The following SRBD1 variants were observed in gnomAD, a reference collection of about 807,000 sequenced individuals.
The protein encoded by SRBD1 is S1 RNA binding domain 1.
In SRBD1, 88 loss-of-function variants were observed where a neutral mutation model predicts 115.3. The ratio of observed to expected loss-of-function variants is 0.76; its 90% CI spans 0.64 to 0.91. The LOEUF is 0.91. SRBD1 is among the 40% of genes least tolerant of loss of function. The pLI is 0.00. For synonymous variants in SRBD1, 509 were observed against 407.7 expected, an observed-to-expected ratio of 1.25 and a Z score of -2.99; for missense variants, 1,385 against 1,177.4, an observed-to-expected ratio of 1.18 and a Z score of -2.58.
chr2:45,473,932 G>A lies in SRBD1; in HGVS notation c.2049+3061C>T, dbSNP rs527725388. ...CAGATGAACGCTGAAGGTTTAGAAC[G>A]TCCTCTGTATCATGTGACTTTTTGT... On this transcript the variant is annotated intron_variant, in intron 16 of 20. Coordinates refer to ENST00000263736, the MANE Select transcript of SRBD1 (RefSeq NM_018079.5). 3.9e-5 allele frequency among the ~76,000 whole-genome samples: 6 copies of A among 152,276 alleles called. No homozygotes were observed. The East Asian group carries it at 9.6e-4, about 24-fold the overall frequency.
intron 10 of SRBD1, among the ~76,000 whole-genome samples, chr2:45,560,289 TAATA>T (rs1293674226): frequency 1.3e-5 from 2 of 152,174 alleles, no homozygotes; most frequent in African/African-American, 4.8e-5. Flanking sequence ...AGTCTAAAGA[TAATA>T]AATAGGTTAA....
At chr2:45,482,747 T>A (rs1413475946) in intron 15 of SRBD1, among the ~76,000 whole-genome samples, 1 of 151,994 alleles carries the variant, frequency 6.6e-6, no homozygotes. Flanking sequence ...AGTACAGTCA[T>A]CCTGTATCCT....
At chr2:45,594,255 C>T (rs1307340085) in intron 4 of SRBD1, among the ~76,000 whole-genome samples, 2 of 152,154 alleles carry the variant, frequency 1.3e-5, no homozygotes, top group African/African-American at 2.4e-5. Context: ...CATAATTCCA[C>T]ACAATTCCAC....
chr2:45,545,725 T>C (rs1294422786), intron 14 of SRBD1, among the ~76,000 whole-genome samples: 1 of 152,258 alleles, frequency 6.6e-6, no homozygotes, highest in African/African-American at 2.4e-5. Context: ...TGTTTCCTTC[T>C]TGAATCATGA....
rs140195106 is a variant in SRBD1 at position 45,586,968 on chromosome 2, A to T, written c.649-1194T>A. On this transcript the variant is annotated intron_variant, in intron 4 of 20. Transcript: ENST00000263736. ...TATTTAAAATTATTTTAAATTATAA[A>T]TATTAAAATATTTAAAATTATTTTA... Among the ~76,000 whole-genome samples, 387 of 103,786 alleles carry T rather than the reference A, an allele frequency of 3.7e-3. 8 individuals are homozygous for T. Among genetic ancestry groups the T allele is most frequent in the African/African-American group, 0.011 (238 of 22,510 alleles). 68.1% of individuals were successfully genotyped at this position (103,786 alleles called of 152,430 possible). A position where few individuals can be genotyped will look rare whatever the true frequency, so the allele number is the denominator to read the frequency against.
In SRBD1 at chr2:45,389,232, G is replaced by C. The variant is rs1027702912; in HGVS notation, c.*78C>G. 1.5e-5 allele frequency: 23 copies of C among 1,502,218 alleles called. No individual in the cohort carries two copies. Among genetic ancestry groups the C allele is most frequent in the Middle Eastern group, 1.8e-4 (1 of 5,640 alleles). The allele number at this position is 1,502,218 out of a possible 1,614,324, so 93.1% of individuals were successfully genotyped here. A position where few individuals can be genotyped will look rare whatever the true frequency, so the allele number is the denominator to read the frequency against. The stretch of plus-strand genomic sequence containing the variant: ...AATTATTTCTCATCTGCTACCTAGA[G>C]TTTACAAACAACTGACTTATCCTTG... On this transcript the variant is annotated 3_prime_UTR_variant, in exon 21 of 21. Coordinates refer to ENST00000263736, the MANE Select transcript of SRBD1 (RefSeq NM_018079.5).
At chr2:45,440,881 A>G (rs1668650149) in intron 16 of SRBD1, among the ~76,000 whole-genome samples, 1 of 152,212 alleles carries the variant, frequency 6.6e-6, no homozygotes, top group Non-Finnish European at 1.5e-5. Flanking sequence ...TTTGACAGCC[A>G]TGTTTAAATT....
In SRBD1 at chr2:45,464,150, TA is replaced by T. The variant is rs562406218; in HGVS notation, c.2049+12842del. On this transcript the variant is annotated intron_variant, in intron 16 of 20. Transcript: ENST00000263736. Reference sequence around the variant, plus strand: ...AAAGAAATGGAGATGTATGCTAAATTAAAGAACTCCAGTTCTTTCATCCATA... The same window carrying T: ...AAAGAAATGGAGATGTATGCTAAATTAAGAACTCCAGTTCTTTCATCCATA... Among the ~76,000 whole-genome samples the T allele has an allele frequency of 6.6e-5, 10 of 152,112 alleles. No homozygotes were observed. In the South Asian group the frequency reaches 2.1e-3, roughly 32 times the overall value.
intron 14 of SRBD1, among the ~76,000 whole-genome samples, chr2:45,542,739 A>T (rs1403336423): frequency 6.6e-6 from 1 of 152,250 alleles, no homozygotes; most frequent in Non-Finnish European, 1.5e-5. Flanking sequence ...ATCCATACAG[A>T]CTTGTAAATG....
chr2:45,432,077 T>C (rs956372928), intron 16 of SRBD1, among the ~76,000 whole-genome samples: 7 of 151,938 alleles, frequency 4.6e-5, no homozygotes, highest in Admixed American at 1.3e-4. Context: ...TCGCCCAGGC[T>C]GGAGTGCAAC....
chr2:45,439,191 G>T (rs1219674784), intron 16 of SRBD1, among the ~76,000 whole-genome samples: 1 of 151,438 alleles, frequency 6.6e-6, no homozygotes, highest in Admixed American at 6.6e-5. Flanking sequence ...AGATCTCATT[G>T]CCAGCAGACC....
At chr2:45,496,586 T>C (rs984659210) in intron 14 of SRBD1, among the ~76,000 whole-genome samples, 6 of 152,168 alleles carry the variant, frequency 3.9e-5, no homozygotes, top group African/African-American at 1.2e-4. Flanking sequence ...GAAATAACAA[T>C]GGTTTCTGCT....
intron 18 of SRBD1, among the ~76,000 whole-genome samples, chr2:45,417,409 TG>T (rs1166686968): frequency 2.0e-5 from 3 of 152,206 alleles, no homozygotes; most frequent in Admixed American, 6.5e-5. Context: ...ATTCTAACCA[TG>T]TTTTGGTGGA....
chr2:45,576,956 G>T (rs72618607), intron 7 of SRBD1, among the ~76,000 whole-genome samples: 31,445 of 152,038 alleles, frequency 0.21, 5,736 homozygotes, highest in African/African-American at 0.49. Context: ...GTGCTAGAGC[G>T]CTAGAGAAAT....
chr2:45,392,891 G>T (rs935071962), intron 20 of SRBD1, 54 bp downstream of exon 20: 2 of 1,480,980 alleles, frequency 1.4e-6, no homozygotes, highest in Admixed American at 4.1e-5. Flanking sequence ...GATCAAAGGA[G>T]ATAATGGGAG....
At chr2:45,516,043 AT>A (rs1346917937) in intron 14 of SRBD1, among the ~76,000 whole-genome samples, 1 of 152,212 alleles carries the variant, frequency 6.6e-6, no homozygotes, top group Non-Finnish European at 1.5e-5. Context: ...CTAGTCAAGT[AT>A]TCAGCCTTGA....
chr2:45,481,213 C>T (rs576757757), intron 15 of SRBD1, among the ~76,000 whole-genome samples: 2 of 152,096 alleles, frequency 1.3e-5, no homozygotes, highest in African/African-American at 4.8e-5. Flanking sequence ...ACTGAGAAAA[C>T]AAAAATGTCA....
At chr2:45,397,644 C>A (rs183718509) in intron 19 of SRBD1, among the ~76,000 whole-genome samples, 12 of 152,320 alleles carry the variant, frequency 7.9e-5, no homozygotes, top group Non-Finnish European at 1.6e-4. Context: ...TGCTGTTTCA[C>A]CCAGGGGCTG....
Position 45,520,307 on chromosome 2 carries a change from T to A in SRBD1, c.1874+26425A>T, listed in dbSNP as rs761338889. On this transcript the variant is annotated intron_variant, in intron 14 of 20. Coordinates refer to ENST00000263736, the MANE Select transcript of SRBD1 (RefSeq NM_018079.5). ...ATCAATCTGGTTCTAGTGAGGATGA[T>A]CCAGAAGAGACCCTCCTCCAAAGCC... Among the ~76,000 whole-genome samples the A allele has an allele frequency of 4.3e-4, 66 of 152,290 alleles. 1 individual carries two copies. Among genetic ancestry groups the A allele is most frequent in the Admixed American group, 2.0e-3 (31 of 15,292 alleles).
Sources: allele counts gnomAD v4.1 joint callset (sites outside exome capture counted in the v4.1 genomes callset), GRCh38; gene constraint gnomAD v4.1.1; transcripts MANE v1.5; gene names NCBI Gene and HGNC (gene_info 2026-07-23, HGNC 2026-07-21).